Variants in ROBO2 observed in about 807,000 individuals in gnomAD.
ROBO2 encodes the protein roundabout guidance receptor 2, also known as roundabout homolog 2.
Under a neutral mutation model 160.8 loss-of-function variants are expected in ROBO2, and 53 were observed. The ratio of observed to expected loss-of-function variants is 0.33; its 90% CI spans 0.26 to 0.41. The LOEUF (loss-of-function observed/expected upper bound fraction) is 0.41, where lower values mean the gene tolerates loss of function less well. ROBO2 is among the 10% of genes least tolerant of loss of function. The pLI is 1.00. For synonymous variants in ROBO2, 664 were observed against 611.7 expected (o/e 1.09, Z -1.26); for missense variants, 1,577 against 1,722.4 (o/e 0.92, Z 1.49).
At chr3:76,717,508 A>G (rs1000439190) in intron 2 of ROBO2, among the ~76,000 whole-genome samples, 1 of 151,148 alleles carries the variant, frequency 6.6e-6, no homozygotes, top group Non-Finnish European at 1.5e-5. Context: ...AAAAAAAAAG[A>G]AAAAAGAAAA....
intron 3 of ROBO2, among the ~76,000 whole-genome samples, chr3:77,480,302 CAA>C (rs34989735): frequency 6.9e-6 from 1 of 145,768 alleles, no homozygotes; most frequent in Non-Finnish European, 1.5e-5. Flanking sequence ...AAATGAGTAC[CAA>C]AAAAAAAAAA....
chr3:76,647,831 A>AT (rs1334743510), intron 2 of ROBO2, among the ~76,000 whole-genome samples: 1 of 152,054 alleles, frequency 6.6e-6, no homozygotes, highest in African/African-American at 2.4e-5. Flanking sequence ...ACGTTGAAAT[A>AT]TTTTTTCTGT....
At chr3:76,731,763 C>T (rs1461098653) in intron 2 of ROBO2, among the ~76,000 whole-genome samples, 1 of 152,146 alleles carries the variant, frequency 6.6e-6, no homozygotes, top group African/African-American at 2.4e-5. Flanking sequence ...CTCTCTAACA[C>T]TTTGTGAACA....
chr3:76,798,194 G>GA (rs2063865071), intron 2 of ROBO2, among the ~76,000 whole-genome samples: 3 of 112,638 alleles, frequency 2.7e-5, no homozygotes, highest in African/African-American at 1.0e-4. Flanking sequence ...GAAAGAAAAA[G>GA]AAGAAAGAAA....
intron 2 of ROBO2, among the ~76,000 whole-genome samples, chr3:76,102,592 C>G (rs926173730): frequency 6.6e-6 from 1 of 152,112 alleles, no homozygotes; most frequent in Non-Finnish European, 1.5e-5. Context: ...GTAAGGAATT[C>G]TCAGAGGTCA....
intron 2 of ROBO2, chr3:77,317,316 G>A: frequency 1.3e-6 from 1 of 759,386 alleles, no homozygotes; most frequent in Non-Finnish European, 2.3e-6. Flanking sequence ...TGAATGCAAG[G>A]TCAGCCTCAG....
At chr3:76,580,089 T>A (rs1473466957) in intron 2 of ROBO2, among the ~76,000 whole-genome samples, 1 of 152,120 alleles carries the variant, frequency 6.6e-6, no homozygotes. Context: ...CATTTCTGCC[T>A]GCCCTCTGCT....
intron 2 of ROBO2, among the ~76,000 whole-genome samples, chr3:76,260,083 G>A (rs892152799): frequency 3.9e-5 from 6 of 152,252 alleles, no homozygotes; most frequent in Admixed American, 3.3e-4. Context: ...CAACACATTT[G>A]TCAGTTTTTA....
At chr3:76,520,124 C>A (rs1190520012) in intron 2 of ROBO2, among the ~76,000 whole-genome samples, 4 of 152,146 alleles carry the variant, frequency 2.6e-5, no homozygotes, top group African/African-American at 9.7e-5. Flanking sequence ...AATTAACCCT[C>A]AATGAGCTGC....
intron 2 of ROBO2, among the ~76,000 whole-genome samples, chr3:76,190,441 G>T (rs1361907448): frequency 2.0e-5 from 3 of 152,046 alleles, no homozygotes; most frequent in East Asian, 1.9e-4. Context: ...TGGCACTGAG[G>T]CTGAGTCAGA....
chr3:76,413,360 C>A (rs1307419730), intron 2 of ROBO2, among the ~76,000 whole-genome samples: 1 of 152,244 alleles, frequency 6.6e-6, no homozygotes, highest in Non-Finnish European at 1.5e-5. Flanking sequence ...CTGCAGCCAG[C>A]TTGAATTTCT....
intron 2 of ROBO2, among the ~76,000 whole-genome samples, chr3:76,851,700 A>G (rs917043064): frequency 7.2e-6 from 1 of 138,002 alleles, no homozygotes; most frequent in Non-Finnish European, 1.5e-5. Flanking sequence ...GCGCCACTGC[A>G]GTCCGCAGTC....
chr3:75,969,965 A>G (rs1429224479), intron 2 of ROBO2, among the ~76,000 whole-genome samples: 1 of 151,552 alleles, frequency 6.6e-6, no homozygotes, highest in Non-Finnish European at 1.5e-5. Flanking sequence ...GTCAAGGCCA[A>G]TATCAAGGAG....
intron 16 of ROBO2, among the ~76,000 whole-genome samples, chr3:77,583,971 T>C (rs183041111): frequency 4.7e-4 from 71 of 152,246 alleles, no homozygotes; most frequent in African/African-American, 1.6e-3. Context: ...AAGCCTCATA[T>C]GTTTATCTGG....
At chr3:77,492,348 C>T (rs1273229821) in intron 4 of ROBO2, among the ~76,000 whole-genome samples, 2 of 152,106 alleles carry the variant, frequency 1.3e-5, no homozygotes, top group Admixed American at 6.6e-5. Flanking sequence ...ATACATAAAA[C>T]TACTTTTTGA....
intron 2 of ROBO2, among the ~76,000 whole-genome samples, chr3:76,384,788 G>C (rs1418450652): frequency 6.6e-6 from 1 of 152,062 alleles, no homozygotes; most frequent in African/African-American, 2.4e-5. Context: ...GAACAGCATG[G>C]GGGTACCTGC....
At chr3:77,346,872 C>G (rs2067708034) in intron 2 of ROBO2, among the ~76,000 whole-genome samples, 1 of 152,186 alleles carries the variant, frequency 6.6e-6, no homozygotes, top group Non-Finnish European at 1.5e-5. Context: ...TTTCTCCCTT[C>G]TGGCAGAGAA....
intron 2 of ROBO2, among the ~76,000 whole-genome samples, chr3:76,971,392 A>G (rs2059564999): frequency 6.6e-6 from 1 of 152,162 alleles, no homozygotes; most frequent in South Asian, 2.1e-4. Context: ...CAAGGGTTCA[A>G]CTGGCTAACC....
intron 2 of ROBO2, among the ~76,000 whole-genome samples, chr3:75,998,189 C>T (rs2065786244): frequency 6.6e-6 from 1 of 152,142 alleles, no homozygotes; most frequent in South Asian, 2.1e-4. Flanking sequence ...GTTTATTTAG[C>T]TCCTGGAAAA....
Sources: gnomAD v4.1 joint callset for allele counts (sites outside exome capture counted in the v4.1 genomes callset) on GRCh38, gnomAD v4.1.1 for gene constraint, MANE v1.5 for transcripts, NCBI Gene and HGNC (gene_info 2026-07-23, HGNC 2026-07-21) for gene names.